LPP: variants seen among roughly 807,000 people sequenced by gnomAD.
The protein encoded by LPP is lipoma-preferred partner.
LPP carries 38 observed loss-of-function variants against 60.4 expected under a neutral mutation model. That is an observed-to-expected ratio of 0.63 (90% CI 0.49 to 0.83). LPP has a LOEUF of 0.83. Among genes scored for constraint, LPP ranks in the 40% least tolerant of loss-of-function variants. The pLI, the probability that LPP is intolerant of heterozygous loss-of-function variation, is 0.00. For missense variants in LPP, 902 were observed against 783.6 expected, an observed-to-expected ratio of 1.15 and a Z score of -1.80; for synonymous variants, 328 against 290.8, an observed-to-expected ratio of 1.13 and a Z score of -1.30.
chr3:188,509,184 G>A (rs1340902899), intron 5 of LPP, among the ~76,000 whole-genome samples: 1 of 152,114 alleles, frequency 6.6e-6, no homozygotes, highest in Non-Finnish European at 1.5e-5. Flanking sequence ...AACACACCAA[G>A]TATAATCCTG....
chr3:188,851,310 G>A (rs1362613806), intron 9 of LPP, among the ~76,000 whole-genome samples: 2 of 152,216 alleles, frequency 1.3e-5, no homozygotes, highest in East Asian at 1.9e-4. Context: ...TATTGATTGA[G>A]AACTAATCAT....
chr3:188,455,201 A>C (rs186329215), intron 4 of LPP, among the ~76,000 whole-genome samples: 1 of 152,114 alleles, frequency 6.6e-6, no homozygotes, highest in Non-Finnish European at 1.5e-5. Context: ...TTTAGCTGAG[A>C]GCCTGATGAA....
At chr3:188,223,522 C>T (rs565621687) in intron 1 of LPP, among the ~76,000 whole-genome samples, 1 of 152,140 alleles carries the variant, frequency 6.6e-6, no homozygotes, top group Admixed American at 6.5e-5. Flanking sequence ...TGCTTGTTCT[C>T]TTTATGGAAA....
intron 3 of LPP, among the ~76,000 whole-genome samples, chr3:188,349,475 T>C (rs1560281046): frequency 6.6e-6 from 1 of 152,138 alleles, no homozygotes; most frequent in Admixed American, 6.5e-5. Context: ...TGAGTCCTCG[T>C]GTGTTTAAAG....
At chr3:188,273,141 GC>G (rs908973490) in intron 2 of LPP, among the ~76,000 whole-genome samples, 4 of 152,142 alleles carry the variant, frequency 2.6e-5, no homozygotes, top group Non-Finnish European at 5.9e-5. Flanking sequence ...CACAATAACT[GC>G]CCCCACCACC....
chr3:188,418,079 C>A (rs895238793), intron 4 of LPP, among the ~76,000 whole-genome samples: 5 of 152,144 alleles, frequency 3.3e-5, no homozygotes, highest in African/African-American at 1.2e-4. Flanking sequence ...CACTTTCTCA[C>A]ATAATATCTA....
intron 2 of LPP, among the ~76,000 whole-genome samples, chr3:188,286,732 T>C (rs764449572): frequency 5.9e-5 from 9 of 152,192 alleles, no homozygotes; most frequent in Non-Finnish European, 1.0e-4. Flanking sequence ...TGTTTTTGCT[T>C]GCTGTCCAAG....
intron 4 of LPP, among the ~76,000 whole-genome samples, chr3:188,407,492 C>T (rs1041634870): frequency 6.6e-6 from 1 of 152,158 alleles, no homozygotes; most frequent in Non-Finnish European, 1.5e-5. Flanking sequence ...CTTTGGATAT[C>T]CTTTTCCTCA....
chr3:188,434,510 A>C (rs774018879), intron 4 of LPP, among the ~76,000 whole-genome samples: 2 of 152,148 alleles, frequency 1.3e-5, no homozygotes, highest in Non-Finnish European at 2.9e-5. Flanking sequence ...CCAGGCAGCA[A>C]GTTCAGTCTT....
intron 1 of LPP, among the ~76,000 whole-genome samples, chr3:188,202,316 A>AT (rs1731302713): frequency 6.6e-6 from 1 of 152,136 alleles, no homozygotes; most frequent in African/African-American, 2.4e-5. Flanking sequence ...GGCAGCCAGC[A>AT]TTTGGACTTT....
At chr3:188,851,055 C>G (rs1762568603) in intron 9 of LPP, among the ~76,000 whole-genome samples, 1 of 152,172 alleles carries the variant, frequency 6.6e-6, no homozygotes, top group South Asian at 2.1e-4. Context: ...TAAGAAAGCT[C>G]TAACAATTAG....
intron 5 of LPP, among the ~76,000 whole-genome samples, chr3:188,522,983 C>T (rs1819414831): frequency 6.6e-6 from 1 of 151,842 alleles, no homozygotes; most frequent in African/African-American, 2.4e-5. Flanking sequence ...TCTTGGCTCA[C>T]TGCAACCTCC....
At position 188,887,624 on chromosome 3, in the gene LPP, C is replaced by T. The variant is rs1441218785; in HGVS notation, c.*13145C>T. Reference sequence around the variant, plus strand: ...ACATCAACATATCAGGATTATAGTGCCAAAAATAGTTAAAGTGCCTTGGTC... The same window carrying T: ...ACATCAACATATCAGGATTATAGTGTCAAAAATAGTTAAAGTGCCTTGGTC... On this transcript the variant is annotated 3_prime_UTR_variant, in exon 12 of 12. Coordinates refer to ENST00000617246, the MANE Select transcript of LPP (RefSeq NM_001375462.1). 19 of 213,944 alleles carry T rather than the reference C, an allele frequency of 8.9e-5. No individual in the cohort carries two copies. Among genetic ancestry groups the T allele is most frequent in the Non-Finnish European group, 1.9e-5 (2 of 105,850 alleles). 13.3% of individuals were successfully genotyped at this position (213,944 alleles called of 1,614,324 possible).
At chr3:188,517,796 C>T (rs1817792572) in intron 5 of LPP, among the ~76,000 whole-genome samples, 1 of 152,082 alleles carries the variant, frequency 6.6e-6, no homozygotes, top group Non-Finnish European at 1.5e-5. Context: ...ATTATCTCCC[C>T]CTTGTTCCTT....
At chr3:188,396,493 C>G (rs1780985074) in intron 3 of LPP, among the ~76,000 whole-genome samples, 1 of 152,160 alleles carries the variant, frequency 6.6e-6, no homozygotes, top group South Asian at 2.1e-4. Flanking sequence ...GGAAACACAG[C>G]TAAGTGAGCT....
chr3:188,739,457 G>A (rs1723663034), intron 8 of LPP, among the ~76,000 whole-genome samples: 2 of 152,168 alleles, frequency 1.3e-5, no homozygotes, highest in Non-Finnish European at 2.9e-5. Flanking sequence ...TGGAAAACAT[G>A]GGGCAGGTAG....
intron 6 of LPP, among the ~76,000 whole-genome samples, chr3:188,575,160 A>C (rs1176907270): frequency 3.3e-5 from 5 of 152,174 alleles, no homozygotes; most frequent in Non-Finnish European, 7.4e-5. Flanking sequence ...CCTGGGAGGC[A>C]GTAATAACAT....
In LPP at chr3:188,545,663, T is replaced by C. The variant is rs1260786510; in HGVS notation, c.429+20876T>C. ...CGACTAGAGTTGTGTGTCAGGACCT[T>C]AGTTTCTCTTAATGTGAGTTCCTCT... On this transcript the variant is annotated intron_variant, in intron 6 of 11. Coordinates refer to ENST00000617246, the MANE Select transcript of LPP (RefSeq NM_001375462.1). Among the ~76,000 whole-genome samples, 4 of 152,232 alleles carry C rather than the reference T, an allele frequency of 2.6e-5. No homozygotes were observed. The East Asian group carries it at 7.7e-4, about 29-fold the overall frequency.
chr3:188,412,589 C>T (rs1202431611), intron 4 of LPP, among the ~76,000 whole-genome samples: 1 of 152,258 alleles, frequency 6.6e-6, no homozygotes, highest in Non-Finnish European at 1.5e-5. Flanking sequence ...GACCCTCACA[C>T]CTAGGGCTCT....
Sources: gnomAD v4.1 joint callset for allele counts (sites outside exome capture counted in the v4.1 genomes callset) on GRCh38, gnomAD v4.1.1 for gene constraint, MANE v1.5 for transcripts, NCBI Gene and HGNC (gene_info 2026-07-23, HGNC 2026-07-21) for gene names.